The following PPP2CB variants were observed in gnomAD, a reference collection of about 807,000 sequenced individuals.
The protein encoded by PPP2CB is serine/threonine-protein phosphatase 2A catalytic subunit beta isoform.
PPP2CB carries 18 observed loss-of-function variants against 39.1 expected under a neutral mutation model. The observed-to-expected ratio is 0.46, with a 90% CI of 0.32 to 0.68. The LOEUF is 0.68. PPP2CB is among the 30% of genes least tolerant of loss of function. The probability of loss-of-function intolerance (pLI) is 0.04; values close to 1 mark genes in which losing one functional copy is unlikely to be tolerated. For missense variants in PPP2CB, 226 were observed against 396.9 expected (o/e 0.57, Z 3.66); for synonymous variants, 129 against 133.8 (o/e 0.96, Z 0.25).
chr8:30,787,541 T>C (rs979073261), intron 6 of PPP2CB, among the ~76,000 whole-genome samples: 1 of 152,170 alleles, frequency 6.6e-6, no homozygotes, highest in Non-Finnish European at 1.5e-5. Flanking sequence ...GGTTTTACCA[T>C]GTTACCCAGG....
At chr8:30,805,545 G>C (rs10955044) in intron 1 of PPP2CB, among the ~76,000 whole-genome samples, 10,569 of 152,014 alleles carry the variant, frequency 0.07, 552 homozygotes, top group Admixed American at 0.19. Context: ...GGATGACAGA[G>C]AGAGAGACTC....
chr8:30,794,308 G>A (rs772572340), intron 3 of PPP2CB, 27 bp from the exon 4 acceptor site: 4 of 1,562,428 alleles, frequency 2.6e-6, no homozygotes, highest in East Asian at 2.2e-5. Flanking sequence ...AAAAGAGAAT[G>A]TATTTGTTTT....
chr8:30,794,538 G>C, intron 3 of PPP2CB: 1 of 372,482 alleles, frequency 2.7e-6, no homozygotes, highest in Non-Finnish European at 4.7e-6. Context: ...CCCATCCTTG[G>C]TACCTACCAT....
chr8:30,787,376 G>A (rs1806361856), intron 6 of PPP2CB, among the ~76,000 whole-genome samples: 2 of 152,174 alleles, frequency 1.3e-5, no homozygotes, highest in Admixed American at 1.3e-4. Context: ...GTCTCACTCT[G>A]TTGCCCAAGC....
intron 3 of PPP2CB, among the ~76,000 whole-genome samples, chr8:30,796,852 T>C (rs1223718310): frequency 1.3e-5 from 2 of 152,196 alleles, no homozygotes; most frequent in Non-Finnish European, 2.9e-5. Context: ...TTCTATTTTC[T>C]TTTTTTGTTC....
rs150025263 is a variant in PPP2CB at position 30,787,818 on chromosome 8, C to T, written c.858-1511G>A. On this transcript the variant is annotated intron_variant, in intron 6 of 6. Transcript: ENST00000221138. ...TCCTAGTCTCAAGCAATCCTCTCAG[C>T]TTGGCCTCCCAAAGCTGGGATTTAT... 3.3e-3 allele frequency among the ~76,000 whole-genome samples: 499 copies of T among 152,246 alleles called. 2 individuals are homozygous for T. The highest frequency in any genetic ancestry group is 0.012 in the African/African-American group (480 of 41,550).
rs140685930 is a variant in PPP2CB, at chr8:30,799,259, G to C, written c.312+287C>G. Reference sequence around the variant, plus strand: ...AGACAGGAACAACAGACTTTTCAAAGCAAGGATTTAAAAAGACTTGTCTAC... The same window carrying C: ...AGACAGGAACAACAGACTTTTCAAACCAAGGATTTAAAAAGACTTGTCTAC... On this transcript the variant is annotated intron_variant, in intron 2 of 6. Coordinates refer to ENST00000221138, the MANE Select transcript of PPP2CB (RefSeq NM_001009552.2). Among the ~76,000 whole-genome samples, 200 of 152,234 alleles carry C rather than the reference G, an allele frequency of 1.3e-3. 1 individual carries two copies. Among genetic ancestry groups the C allele is most frequent in the African/African-American group, 4.7e-3 (197 of 41,554 alleles).
rs78850094 is a variant in PPP2CB at position 30,804,553 on chromosome 8, G to A, written c.103-4798C>T. On this transcript the variant is annotated intron_variant, in intron 1 of 6. Coordinates refer to ENST00000221138, the MANE Select transcript of PPP2CB (RefSeq NM_001009552.2). ...TTACTTTAAATTGTATTCATTCCCTGTAATAAACCATAATCATCAGTGTAA... is the reference window on the plus strand; with the variant it reads ...TTACTTTAAATTGTATTCATTCCCTATAATAAACCATAATCATCAGTGTAA... 4.7e-3 allele frequency among the ~76,000 whole-genome samples: 715 copies of A among 152,206 alleles called. 44 individuals carry two copies. The East Asian group carries it at 0.12, about 26-fold the overall frequency.
At chr8:30,786,542 A>G (rs1184150603) in intron 6 of PPP2CB, 1 of 303,516 alleles carries the variant, frequency 3.3e-6, no homozygotes, top group African/African-American at 2.4e-5. Context: ...GGTGCCTGGC[A>G]TAACAATTTC....
Position 30,785,999 on chromosome 8 carries a change from C to A in PPP2CB, c.*236G>T, listed in dbSNP as rs1027461103. On this transcript the variant is annotated 3_prime_UTR_variant, in exon 7 of 7. Transcript: ENST00000221138. Reference sequence around the variant, plus strand: ...CAAAGGAAAATGGTTACTATAAATACAGCAGGCAAACTGTTAGACTGACCT... The same window carrying A: ...CAAAGGAAAATGGTTACTATAAATAAAGCAGGCAAACTGTTAGACTGACCT... 1 of 640,384 alleles carries A rather than the reference C, an allele frequency of 1.6e-6. No individual in the cohort carries two copies. Among genetic ancestry groups the A allele is most frequent in the East Asian group, 3.2e-5 (1 of 31,644 alleles). 39.7% of individuals were successfully genotyped at this position (640,384 alleles called of 1,614,324 possible).
intron 1 of PPP2CB, among the ~76,000 whole-genome samples, chr8:30,809,475 T>C (rs1234685934): frequency 1.3e-5 from 2 of 152,108 alleles, no homozygotes; most frequent in African/African-American, 2.4e-5. Context: ...AGCTAGGTCA[T>C]AGCTGCCAGA....
intron 1 of PPP2CB, among the ~76,000 whole-genome samples, chr8:30,810,908 C>A (rs535333920): frequency 6.6e-6 from 1 of 152,344 alleles, no homozygotes; most frequent in African/African-American, 2.4e-5. Flanking sequence ...CTAACAAAAT[C>A]TTTCCTTCTC....
intron 6 of PPP2CB, among the ~76,000 whole-genome samples, chr8:30,788,391 C>T (rs1806378100): frequency 6.6e-6 from 1 of 151,972 alleles, no homozygotes; most frequent in South Asian, 2.1e-4. Context: ...GCCTCCCATA[C>T]AGCTGAGACT....
Position 30,798,836 on chromosome 8 carries a change from T to C in PPP2CB, c.312+710A>G, listed in dbSNP as rs150967244. 3.9e-5 allele frequency among the ~76,000 whole-genome samples: 6 copies of C among 152,322 alleles called. No homozygotes were observed. In the East Asian group the frequency reaches 1.2e-3, roughly 29 times the overall value. The stretch of plus-strand genomic sequence containing the variant: ...GAATAAGGCTAAAATGGTTGAAGGT[T>C]ACATGGAGGAAGTGAGACCTGAGCT... On this transcript the variant is annotated intron_variant, in intron 2 of 6. Transcript: ENST00000221138.
chr8:30,809,447 T>G (rs1373227474), intron 1 of PPP2CB, among the ~76,000 whole-genome samples: 1 of 151,994 alleles, frequency 6.6e-6, no homozygotes. Context: ...TATATACTCA[T>G]ACATACACAA....
chr8:30,807,390 G>A (rs915098175), intron 1 of PPP2CB, among the ~76,000 whole-genome samples: 11 of 152,110 alleles, frequency 7.2e-5, no homozygotes, highest in African/African-American at 2.7e-4. Flanking sequence ...TGGGTATTCA[G>A]GAACAAGCAT....
chr8:30,798,430 G>GT (rs1343743875), intron 2 of PPP2CB, among the ~76,000 whole-genome samples: 10 of 151,752 alleles, frequency 6.6e-5, no homozygotes, highest in Non-Finnish European at 1.5e-4. Context: ...TGTGTCTAAC[G>GT]TAAGTTTGGT....
chr8:30,800,844 G>C (rs1038504061), intron 1 of PPP2CB, among the ~76,000 whole-genome samples: 2 of 152,170 alleles, frequency 1.3e-5, no homozygotes, highest in Non-Finnish European at 2.9e-5. Context: ...CGAAAGCTAA[G>C]AGATGAGAAC....
chr8:30,812,094 G>A (rs931781879), intron 1 of PPP2CB, among the ~76,000 whole-genome samples: 6 of 152,016 alleles, frequency 3.9e-5, no homozygotes, highest in Non-Finnish European at 7.4e-5. Context: ...TGGGCAGCCG[G>A]CCGGGGGCGT....
Sources: allele counts gnomAD v4.1 joint callset (sites outside exome capture counted in the v4.1 genomes callset), GRCh38; gene constraint gnomAD v4.1.1; transcripts MANE v1.5; gene names NCBI Gene and HGNC (gene_info 2026-07-23, HGNC 2026-07-21).